VPS53: variants seen among roughly 807,000 people sequenced by gnomAD.
VPS53 encodes the protein vacuolar protein sorting-associated protein 53 homolog.
VPS53 carries 70 observed loss-of-function variants against 107.0 expected under a neutral mutation model. That is an observed-to-expected ratio of 0.65 (90% confidence interval 0.54 to 0.80). The LOEUF (loss-of-function observed/expected upper bound fraction) is 0.80, where lower values mean the gene tolerates loss of function less well. Ranked by LOEUF, VPS53 falls within the 30% of genes least tolerant of loss-of-function variation. The pLI, the probability that VPS53 is intolerant of heterozygous loss-of-function variation, is 0.00. For synonymous variants in VPS53, 409 were observed against 393.3 expected (o/e 1.04, Z -0.47); for missense variants, 917 against 1,049.4 (o/e 0.87, Z 1.74).
rs66891205 is a variant in VPS53, at chr17:599,764, T to TA, written c.1218+2030dup. Among the ~76,000 whole-genome samples, 464 of 130,170 alleles carry TA rather than the reference T, an allele frequency of 3.6e-3. 2 individuals carry two copies. The highest frequency in any genetic ancestry group is 7.4e-3 in the East Asian group (20 of 2,686). 85.4% of individuals were successfully genotyped at this position (130,170 alleles called of 152,430 possible). Reference sequence around the variant, plus strand: ...AATTATCAATAAAAAATAAATAAATTAAAAAAAAAAACAAAAACAAAATGA... The same window carrying TA: ...AATTATCAATAAAAAATAAATAAATTAAAAAAAAAAAACAAAAACAAAATGA... On this transcript the variant is annotated intron_variant, in intron 12 of 21. Coordinates refer to ENST00000437048, the MANE Select transcript of VPS53 (RefSeq NM_001128159.3).
At chr17:569,187 G>A (rs1378201458) in intron 13 of VPS53, among the ~76,000 whole-genome samples, 2 of 152,208 alleles carry the variant, frequency 1.3e-5, no homozygotes, top group Non-Finnish European at 2.9e-5. Flanking sequence ...TGAAGAGCCA[G>A]CTTTAAGAGG....
chr17:555,432 C>T (rs1049868969), intron 15 of VPS53, among the ~76,000 whole-genome samples: 5 of 152,052 alleles, frequency 3.3e-5, no homozygotes, highest in Admixed American at 1.3e-4. Flanking sequence ...CTCCTGACCT[C>T]GTGATCTACC....
intron 4 of VPS53, among the ~76,000 whole-genome samples, chr17:682,864 AGAG>A (rs1972452372): frequency 6.6e-6 from 1 of 152,244 alleles, no homozygotes; most frequent in South Asian, 2.1e-4. Context: ...GATAGGCTAC[AGAG>A]GAGGGGATTT....
intron 5 of VPS53, chr17:657,594 T>C (rs746099767): frequency 4.9e-5 from 38 of 770,914 alleles, no homozygotes; most frequent in African/African-American, 1.7e-4. Flanking sequence ...CCGGTGCACA[T>C]AGCGAAAGTT....
intron 11 of VPS53, among the ~76,000 whole-genome samples, chr17:608,317 G>A (rs1435755106): frequency 2.0e-5 from 3 of 152,158 alleles, no homozygotes; most frequent in Non-Finnish European, 4.4e-5. Context: ...TGAACAAAGA[G>A]GGAAGCTTGA....
chr17:597,354 T>C (rs1968023146), intron 12 of VPS53, among the ~76,000 whole-genome samples: 1 of 152,134 alleles, frequency 6.6e-6, no homozygotes, highest in Admixed American at 6.5e-5. Context: ...TCTGCTTTTG[T>C]TGTGCACCCC....
rs990814954 is a variant in VPS53, at chr17:616,972, A to C, written c.1116+6561T>G. Among the ~76,000 whole-genome samples the C allele has an allele frequency of 2.4e-4, 37 of 152,218 alleles. 1 individual carries two copies. The highest frequency in any genetic ancestry group is 4.7e-4 in the Non-Finnish European group (32 of 68,042). On this transcript the variant is annotated intron_variant, in intron 11 of 21. Coordinates refer to ENST00000437048, the MANE Select transcript of VPS53 (RefSeq NM_001128159.3). The stretch of plus-strand genomic sequence containing the variant: ...GGTCCTATAGCTCCCTAAATGTAAA[A>C]GACAAATCACCAGGAAGTAGGGCCC...
At chr17:711,545 C>T (rs181745486) in intron 1 of VPS53, among the ~76,000 whole-genome samples, 344 of 152,300 alleles carry the variant, frequency 2.3e-3, no homozygotes, top group South Asian at 8.7e-3. Flanking sequence ...GTTATTTACA[C>T]AGTCTCAATG....
At position 645,784 on chromosome 17, in the gene VPS53, C is replaced by T. The variant is rs558095672; in HGVS notation, c.608+7507G>A. 1.3e-4 allele frequency among the ~76,000 whole-genome samples: 20 copies of T among 150,520 alleles called. No individual in the cohort carries two copies. In the South Asian group the frequency reaches 2.1e-3, roughly 16 times the overall value. On this transcript the variant is annotated intron_variant, in intron 7 of 21. Coordinates refer to ENST00000437048, the MANE Select transcript of VPS53 (RefSeq NM_001128159.3). The stretch of plus-strand genomic sequence containing the variant: ...GGAGATAGGCTCCCACACACATCTC[C>T]GTGACCGTGTGGCCACTGCCTCCTA...
At position 541,851 on chromosome 17, in the gene VPS53, G is replaced by A. The variant is rs79572177; in HGVS notation, c.1867-4675C>T. Among the ~76,000 whole-genome samples the A allele has an allele frequency of 2.5e-5, 3 of 120,522 alleles. No individual in the cohort carries two copies. The Admixed American group carries it at 2.7e-4, about 11-fold the overall frequency. 79.1% of individuals were successfully genotyped at this position (120,522 alleles called of 152,430 possible). A position where few individuals can be genotyped will look rare whatever the true frequency, so the allele number is the denominator to read the frequency against. On this transcript the variant is annotated intron_variant, in intron 17 of 21. Transcript: ENST00000437048. ...TATCAAGGACCTACCACGCACCAGG[G>A]GCTGAAGGAATGTTTATCAAGCACG...
chr17:628,489 T>C lies in VPS53; in HGVS notation c.688-258A>G, dbSNP rs12450330. Among the ~76,000 whole-genome samples the C allele has an allele frequency of 0.096, 14,666 of 152,252 alleles. 813 individuals carry two copies. The highest frequency in any genetic ancestry group is 0.21 in the East Asian group (1,099 of 5,188). On this transcript the variant is annotated intron_variant, in intron 8 of 21. Coordinates refer to ENST00000437048, the MANE Select transcript of VPS53 (RefSeq NM_001128159.3). ...AGATATTTTGGGAAATGGGCAGTAA[T>C]GATCACGGGAAATTTGACTTTCTGC...
chr17:674,505 C>G (rs1475845203), intron 4 of VPS53: 1 of 152,198 alleles, frequency 6.6e-6, no homozygotes, highest in Non-Finnish European at 1.5e-5. Context: ...ATTTTTTTCT[C>G]TTCCTGGTTC....
chr17:642,053 G>A (rs1421145628), intron 7 of VPS53, among the ~76,000 whole-genome samples: 1 of 152,180 alleles, frequency 6.6e-6, no homozygotes, highest in Non-Finnish European at 1.5e-5. Flanking sequence ...ACATTGTTCA[G>A]ATATCTGTGG....
At chr17:686,172 C>T (rs1324872217) in intron 4 of VPS53, among the ~76,000 whole-genome samples, 1 of 151,908 alleles carries the variant, frequency 6.6e-6, no homozygotes, top group African/African-American at 2.4e-5. Context: ...TGTTTTAAAA[C>T]AGTCAGGCAT....
At chr17:613,764 T>C (rs979011128) in intron 11 of VPS53, among the ~76,000 whole-genome samples, 16 of 151,800 alleles carry the variant, frequency 1.1e-4, no homozygotes, top group Non-Finnish European at 2.4e-4. Context: ...ATTCAAATAG[T>C]GAATTCACAC....
Position 714,818 on chromosome 17 carries a change from C to G in VPS53, c.-109G>C. The G allele has an allele frequency of 2.4e-6, 3 of 1,256,148 alleles. No homozygotes were observed. Among genetic ancestry groups the G allele is most frequent in the South Asian group, 2.4e-5 (2 of 82,564 alleles). 77.8% of individuals were successfully genotyped at this position (1,256,148 alleles called of 1,614,324 possible). A position where few individuals can be genotyped will look rare whatever the true frequency, so the allele number is the denominator to read the frequency against. On this transcript the variant is annotated 5_prime_UTR_variant, in exon 1 of 22. Transcript: ENST00000437048. ...CCTCGCGGCAGCGACCTGGTGAGCC[C>G]GGCTCCGTCAGCCGCTCTGTCAGCC... is the stretch of plus-strand genomic sequence containing the variant.
At chr17:685,115 C>G (rs1442114253) in intron 4 of VPS53, 1 of 152,128 alleles carries the variant, frequency 6.6e-6, no homozygotes. Context: ...AACAAAAAGA[C>G]AGATGTACTC....
chr17:703,408 AGACACCG>A (rs1459362523), intron 2 of VPS53, among the ~76,000 whole-genome samples: 1 of 152,172 alleles, frequency 6.6e-6, no homozygotes, highest in Middle Eastern at 3.2e-3. Flanking sequence ...CTGCACCCCA[AGACACCG>A]GACAGCTATG....
chr17:677,712 CA>C (rs1168393003), intron 4 of VPS53, among the ~76,000 whole-genome samples: 2 of 151,956 alleles, frequency 1.3e-5, no homozygotes, highest in Non-Finnish European at 2.9e-5. Flanking sequence ...AATTATAGCT[CA>C]CTAATGCTGT....
Sources: gnomAD v4.1 joint callset for allele counts (sites outside exome capture counted in the v4.1 genomes callset) on GRCh38, gnomAD v4.1.1 for gene constraint, MANE v1.5 for transcripts, NCBI Gene and HGNC (gene_info 2026-07-23, HGNC 2026-07-21) for gene names.